ZNF444: variants seen among roughly 807,000 people sequenced by gnomAD.
The protein encoded by ZNF444 is zinc finger protein 444.
ZNF444 carries 8 observed loss-of-function variants against 14.4 expected under a neutral mutation model. The ratio of observed to expected loss-of-function variants is 0.56; its 90% CI spans 0.33 to 1.00. ZNF444 has a LOEUF of 1.00. Ranked by LOEUF, ZNF444 falls within the 50% of genes least tolerant of loss-of-function variation. The pLI is 0.03. For missense variants in ZNF444, 510 were observed against 504.8 expected (o/e 1.01, Z -0.10); for synonymous variants, 258 against 235.9 (o/e 1.09, Z -0.86).
chr19:56,140,076 T>TC (rs1176513395), upstream of ZNF444, among the ~76,000 whole-genome samples: 2 of 152,174 alleles, frequency 1.3e-5, no homozygotes, highest in Admixed American at 6.5e-5. Context: ...AAGTTCTGAG[T>TC]CAGCCACTCA....
At chr19:56,153,352 G>C (rs1315660116) in intron 3 of ZNF444, among the ~76,000 whole-genome samples, 1 of 152,192 alleles carries the variant, frequency 6.6e-6, no homozygotes, top group Non-Finnish European at 1.5e-5. Context: ...TTGGGGCCTT[G>C]TCTTTTGTTC....
intron 3 of ZNF444, chr19:56,154,921 G>A (rs2031814123): frequency 6.6e-6 from 1 of 152,220 alleles, no homozygotes; most frequent in Non-Finnish European, 1.5e-5. Flanking sequence ...GAGTCTCTCA[G>A]TTAAAGTACA....
chr19:56,148,838 G>GTC (rs60831216), intron 3 of ZNF444, among the ~76,000 whole-genome samples: 6,765 of 152,258 alleles, frequency 0.044, 205 homozygotes, highest in East Asian at 0.18. Flanking sequence ...AAATCGAGGT[G>GTC]TCTGCAGGGC....
Position 56,160,295 on chromosome 19 carries a change from T to G in ZNF444, c.*94T>G. ...GCCACTTGGCCTCTTCCTCTCCTCCTTCCCTCCCATCGTCCTCCTCCACCT... is the reference window on the plus strand; with the variant it reads ...GCCACTTGGCCTCTTCCTCTCCTCCGTCCCTCCCATCGTCCTCCTCCACCT... On this transcript the variant is annotated 3_prime_UTR_variant, in exon 5 of 5. Transcript: ENST00000337080. The G allele has an allele frequency of 2.0e-6, 2 of 1,017,920 alleles. No homozygotes were observed. The highest frequency in any genetic ancestry group is 2.7e-6 in the Non-Finnish European group (2 of 751,994). The allele number at this position is 1,017,920 out of a possible 1,614,324, so 63.1% of individuals were successfully genotyped here.
At chr19:56,137,678 C>G (rs980188956), upstream of ZNF444, among the ~76,000 whole-genome samples, 2 of 152,116 alleles carry the variant, frequency 1.3e-5, no homozygotes, top group African/African-American at 4.8e-5. Context: ...TTCTGAGGGC[C>G]ATGCTTTTCT....
At chr19:56,139,952 G>A (rs1213758105), upstream of ZNF444, among the ~76,000 whole-genome samples, 1 of 152,166 alleles carries the variant, frequency 6.6e-6, no homozygotes, top group Admixed American at 6.5e-5. Flanking sequence ...AAGAAGATCA[G>A]CGTGCTCTAG....
rs1335371760 is a variant in ZNF444, at chr19:56,145,148, A to ATGGTGGTCC, written c.-196-1097_-196-1096insGTGGTCCTG. On this transcript the variant is annotated intron_variant, in intron 1 of 4. Transcript: ENST00000337080. The surrounding 1 kb of genome is among the most constrained non-coding windows in gnomAD (Gnocchi z 4.3). ...CAGCTCAGAGACCACCATTTCTCAA[A>ATGGTGGTCC]TGCTTTGAAGTCAGGACTCCTTTCT... Among the ~76,000 whole-genome samples the ATGGTGGTCC allele has an allele frequency of 1.1e-4, 16 of 152,368 alleles. No homozygotes were observed. The highest frequency in any genetic ancestry group is 3.8e-4 in the African/African-American group (16 of 41,586).
At chr19:56,137,771 G>C (rs941358181), upstream of ZNF444, among the ~76,000 whole-genome samples, 2 of 152,182 alleles carry the variant, frequency 1.3e-5, no homozygotes, top group African/African-American at 4.8e-5. Flanking sequence ...CTAGCGACAA[G>C]GGTTTGCAAT....
At position 56,160,186 on chromosome 19, in the gene ZNF444, C is replaced by G. The variant is rs1256160788; in HGVS notation, c.969C>G (p.Pro323=). The G allele has an allele frequency of 1.2e-5, 18 of 1,464,478 alleles. No individual in the cohort carries two copies. The South Asian group carries it at 2.0e-4, about 16-fold the overall frequency. The allele number at this position is 1,464,478 out of a possible 1,614,324, so 90.7% of individuals were successfully genotyped here. ...CGGATGGTGGAGGCCCCTTCCCGCC[C>G]TGGCCCTTGGGTTAGCCGCCTCCCG... The part of the protein sequence containing the change: ...PGPDGGGPFP[P]WPLG Residue 323 remains proline, a synonymous_variant, in exon 5 of 5, where the codon CCC becomes CCG. Coordinates refer to ENST00000337080, the MANE Select transcript of ZNF444 (RefSeq NM_018337.4).
rs1279049064 is a variant in ZNF444, at chr19:56,160,240, GC to G, written c.*44del. 2 of 1,390,466 alleles carry G rather than the reference GC, an allele frequency of 1.4e-6. No individual in the cohort carries two copies. Among genetic ancestry groups the G allele is most frequent in the South Asian group, 1.6e-5 (1 of 63,500 alleles). The allele number at this position is 1,390,466 out of a possible 1,614,324, so 86.1% of individuals were successfully genotyped here. On this transcript the variant is annotated 3_prime_UTR_variant, in exon 5 of 5. Transcript: ENST00000337080. ...AGCGCCATCTCCCGCCCTTGGTGCT[GC>G]CCCCGGGCGGTACCTGCTCTCTCCC...
rs533585375 is a variant in ZNF444 at position 56,160,673 on chromosome 19, C to G, written c.*472C>G. On this transcript the variant is annotated 3_prime_UTR_variant, in exon 5 of 5. Coordinates refer to ENST00000337080, the MANE Select transcript of ZNF444 (RefSeq NM_018337.4). ...TGAAGGAAAGGGGTCTGGGTCTTGT[C>G]CCTAGGAATTCTCCTCCCTCAGGAG... 138 of 158,480 alleles carry G rather than the reference C, an allele frequency of 8.7e-4. No homozygotes were observed. The highest frequency in any genetic ancestry group is 2.9e-3 in the African/African-American group (121 of 41,788). The allele number at this position is 158,480 out of a possible 1,614,324, so 9.8% of individuals were successfully genotyped here.
At chr19:56,156,270 T>C (rs1568562032) in intron 3 of ZNF444, 1 of 152,268 alleles carries the variant, frequency 6.6e-6, no homozygotes, top group African/African-American at 2.4e-5. Context: ...AGTTCAGCTC[T>C]CTGGAAGCTC....
Position 56,147,458 on chromosome 19 carries a change from C to T in ZNF444, c.297+250C>T, listed in dbSNP as rs539507036. ...TTGCGAGTTCTCTAGGACTCACAGC[C>T]GTGTTCACGGTCACGGCTTATCAGA... On this transcript the variant is annotated intron_variant, in intron 3 of 4. Transcript: ENST00000337080. This position sits in a 1 kb window ranked among gnomAD's most constrained non-coding sequence, Gnocchi z 5.9. Among the ~76,000 whole-genome samples, 52 of 152,154 alleles carry T rather than the reference C, an allele frequency of 3.4e-4. No homozygotes were observed. The highest frequency in any genetic ancestry group is 6.3e-4 in the Non-Finnish European group (43 of 68,022).
At chr19:56,135,765 A>G (rs1015803498) in intron 1 of ZNF444, among the ~76,000 whole-genome samples, 1 of 151,762 alleles carries the variant, frequency 6.6e-6, no homozygotes, top group African/African-American at 2.4e-5. Flanking sequence ...GGGCACAGCA[A>G]AATTGGCTTA....
chr19:56,160,444 T>C lies in ZNF444; in HGVS notation c.*243T>C, dbSNP rs1045287106. 4 of 461,886 alleles carry C rather than the reference T, an allele frequency of 8.7e-6. No individual in the cohort carries two copies. Among genetic ancestry groups the C allele is most frequent in the African/African-American group, 6.2e-5 (3 of 48,028 alleles). 28.6% of individuals were successfully genotyped at this position (461,886 alleles called of 1,614,324 possible). A position where few individuals can be genotyped will look rare whatever the true frequency, so the allele number is the denominator to read the frequency against. The stretch of plus-strand genomic sequence containing the variant: ...CCCTTCTCCCTGATTTCTCGGCCTC[T>C]CTCTCTGTGTGAAGGGGCCTCTCCC... On this transcript the variant is annotated 3_prime_UTR_variant, in exon 5 of 5. Coordinates refer to ENST00000337080, the MANE Select transcript of ZNF444 (RefSeq NM_018337.4).
At chr19:56,142,101 G>T (rs1267753487) in intron 1 of ZNF444, among the ~76,000 whole-genome samples, 1 of 152,112 alleles carries the variant, frequency 6.6e-6, no homozygotes, top group East Asian at 1.9e-4. Context: ...CTCTATATCC[G>T]ATTTTAACGC....
intron 3 of ZNF444, among the ~76,000 whole-genome samples, chr19:56,153,675 G>C (rs888981186): frequency 2.0e-5 from 3 of 152,208 alleles, no homozygotes; most frequent in Non-Finnish European, 2.9e-5. Flanking sequence ...AAGACGGATG[G>C]GGGCAGGGCG....
chr19:56,158,838 A>G lies in ZNF444; in HGVS notation c.406+236A>G, dbSNP rs138148696. Among the ~76,000 whole-genome samples, 325 of 151,272 alleles carry G rather than the reference A, an allele frequency of 2.1e-3. 6 individuals carry two copies. The East Asian group carries it at 0.04, about 18-fold the overall frequency. ...CCCATCTAGCCATCATCCACCCTCC[A>G]CCTATCCATTCCTCTATCATATACC... On this transcript the variant is annotated intron_variant, in intron 4 of 4. Coordinates refer to ENST00000337080, the MANE Select transcript of ZNF444 (RefSeq NM_018337.4).
At chr19:56,142,906 G>A (rs538188344) in intron 1 of ZNF444, among the ~76,000 whole-genome samples, 3 of 152,176 alleles carry the variant, frequency 2.0e-5, no homozygotes, top group Non-Finnish European at 4.4e-5. Flanking sequence ...TCACATCTGG[G>A]TCCCATTTGT....
Sources: gnomAD v4.1 joint callset for allele counts (sites outside exome capture counted in the v4.1 genomes callset) on GRCh38, gnomAD v4.1.1 for gene constraint, Gnocchi (gnomAD v3.1) non-coding constraint, MANE v1.5 for transcripts, NCBI Gene and HGNC (gene_info 2026-07-23, HGNC 2026-07-21) for gene names.